SH3RF3: variants seen among roughly 807,000 people sequenced by gnomAD.
The protein encoded by SH3RF3 is E3 ubiquitin-protein ligase SH3RF3.
A neutral mutation model predicts 66.3 loss-of-function variants in SH3RF3; 29 were observed. The observed-to-expected ratio is 0.44, with a 90% CI of 0.33 to 0.60. The LOEUF is 0.60. SH3RF3 is among the 20% of genes least tolerant of loss of function. SH3RF3 has a pLI of 0.04. For missense variants in SH3RF3, 1,194 were observed against 1,190.9 expected (o/e 1.00, Z -0.04); for synonymous variants, 583 against 532.0 (o/e 1.10, Z -1.32).
intron 9 of SH3RF3, among the ~76,000 whole-genome samples, chr2:109,491,950 T>C (rs1319213937): frequency 6.6e-6 from 1 of 152,208 alleles, no homozygotes; most frequent in Admixed American, 6.5e-5. Context: ...AGACGGGGTC[T>C]ATCTAGATCA....
intron 1 of SH3RF3, among the ~76,000 whole-genome samples, chr2:109,179,878 T>C (rs184618117): frequency 4.2e-4 from 64 of 152,284 alleles, no homozygotes; most frequent in Non-Finnish European, 2.9e-5. Context: ...AAGTGCTCCT[T>C]ATCGCAGGAA....
intron 4 of SH3RF3, among the ~76,000 whole-genome samples, chr2:109,415,096 A>G (rs1312969668): frequency 1.3e-5 from 2 of 152,040 alleles, no homozygotes; most frequent in African/African-American, 4.8e-5. Context: ...CTTGCCTTAA[A>G]GTGGAGGGGA....
At chr2:109,431,885 C>T (rs1677226238) in intron 5 of SH3RF3, among the ~76,000 whole-genome samples, 1 of 151,982 alleles carries the variant, frequency 6.6e-6, no homozygotes, top group Non-Finnish European at 1.5e-5. Context: ...AAAAAAAGGT[C>T]AAGTAATTAA....
At chr2:109,268,700 G>T (rs1007353580) in intron 1 of SH3RF3, among the ~76,000 whole-genome samples, 2 of 151,822 alleles carry the variant, frequency 1.3e-5, no homozygotes, top group Non-Finnish European at 2.9e-5. Flanking sequence ...CACTTTCAGG[G>T]CAGTGTTCAA....
intron 1 of SH3RF3, among the ~76,000 whole-genome samples, chr2:109,225,717 A>G (rs894276977): frequency 6.6e-6 from 1 of 152,258 alleles, no homozygotes; most frequent in Non-Finnish European, 1.5e-5. Context: ...TGTTTGTCCT[A>G]GACTTAAATT....
At chr2:109,484,882 C>T (rs1478600258) in intron 8 of SH3RF3, among the ~76,000 whole-genome samples, 1 of 152,132 alleles carries the variant, frequency 6.6e-6, no homozygotes, top group Admixed American at 6.5e-5. Flanking sequence ...ACATCTCTAC[C>T]CAGTGACAAC....
At chr2:109,323,865 T>C (rs554961201) in intron 1 of SH3RF3, among the ~76,000 whole-genome samples, 1 of 152,232 alleles carries the variant, frequency 6.6e-6, no homozygotes, top group Admixed American at 6.5e-5. Flanking sequence ...TAAAAGTAAT[T>C]TGTAGTATAG....
chr2:109,424,731 G>A (rs1237930116), intron 5 of SH3RF3, among the ~76,000 whole-genome samples: 1 of 152,164 alleles, frequency 6.6e-6, no homozygotes, highest in Non-Finnish European at 1.5e-5. Flanking sequence ...TGATGTGTAT[G>A]TTCTGACGGC....
rs114146224 is a variant in SH3RF3, at chr2:109,417,543, C to A, written c.1300-1996C>A. The stretch of plus-strand genomic sequence containing the variant: ...GCAGGCACAGGACCCTCCACAGGAC[C>A]CTCAGCCAGGCACAGGACCCCGACA... On this transcript the variant is annotated intron_variant, in intron 4 of 9. Transcript: ENST00000309415. 5.9e-3 allele frequency among the ~76,000 whole-genome samples: 893 copies of A among 152,228 alleles called. 10 individuals are homozygous for A. Among genetic ancestry groups the A allele is most frequent in the African/African-American group, 0.02 (845 of 41,544 alleles).
intron 8 of SH3RF3, among the ~76,000 whole-genome samples, chr2:109,484,653 T>G (rs1559108254): frequency 6.6e-6 from 1 of 152,218 alleles, no homozygotes; most frequent in Non-Finnish European, 1.5e-5. Context: ...AACTTTCTCC[T>G]TTTTATTTTT....
chr2:109,397,292 GT>G (rs71933882), intron 3 of SH3RF3, among the ~76,000 whole-genome samples: 13,308 of 152,108 alleles, frequency 0.087, 1,633 homozygotes, highest in African/African-American at 0.27. Flanking sequence ...CATTTACTCA[GT>G]TTTTTTCTGC....
chr2:109,195,452 A>G (rs1480793467), intron 1 of SH3RF3, among the ~76,000 whole-genome samples: 1 of 152,176 alleles, frequency 6.6e-6, no homozygotes, highest in Non-Finnish European at 1.5e-5. Context: ...TCAACTGTCG[A>G]GTGTCCCCAC....
At chr2:109,459,386 G>A (rs531114000) in intron 8 of SH3RF3, among the ~76,000 whole-genome samples, 4 of 152,162 alleles carry the variant, frequency 2.6e-5, no homozygotes, top group South Asian at 4.1e-4. Flanking sequence ...TTCAGAAAGC[G>A]CCTCATCTGG....
chr2:109,469,328 G>T (rs146173806), intron 8 of SH3RF3, among the ~76,000 whole-genome samples: 1 of 152,252 alleles, frequency 6.6e-6, no homozygotes, highest in Non-Finnish European at 1.5e-5. Flanking sequence ...GGGGTGTGTG[G>T]CATGCGGCTG....
At chr2:109,286,311 C>A (rs1681029528) in intron 1 of SH3RF3, among the ~76,000 whole-genome samples, 1 of 152,184 alleles carries the variant, frequency 6.6e-6, no homozygotes, top group South Asian at 2.1e-4. Flanking sequence ...ATGTGTTTGA[C>A]CCTCCTGTAA....
At chr2:109,138,078 C>T (rs544703786) in intron 1 of SH3RF3, among the ~76,000 whole-genome samples, 2 of 152,216 alleles carry the variant, frequency 1.3e-5, no homozygotes, top group Non-Finnish European at 1.5e-5. Flanking sequence ...TGCAGTGGCA[C>T]GATCTCGACT....
At chr2:109,193,173 G>C (rs1219823510) in intron 1 of SH3RF3, among the ~76,000 whole-genome samples, 1 of 152,226 alleles carries the variant, frequency 6.6e-6, no homozygotes, top group Non-Finnish European at 1.5e-5. Context: ...CACATTTTAA[G>C]AGAACTGGAA....
chr2:109,371,159 C>T (rs113309962), intron 2 of SH3RF3, among the ~76,000 whole-genome samples: 3,663 of 152,244 alleles, frequency 0.024, 147 homozygotes, highest in African/African-American at 0.083. Context: ...GAGGCCAAGG[C>T]GGGCAGATTG....
intron 1 of SH3RF3, among the ~76,000 whole-genome samples, chr2:109,345,727 A>G (rs1682677014): frequency 6.6e-6 from 1 of 152,194 alleles, no homozygotes; most frequent in Non-Finnish European, 1.5e-5. Context: ...GTATTCGTAG[A>G]CTAAGTTCTA....
Sources: allele counts gnomAD v4.1 joint callset (sites outside exome capture counted in the v4.1 genomes callset), GRCh38; gene constraint gnomAD v4.1.1; transcripts MANE v1.5; gene names NCBI Gene and HGNC (gene_info 2026-07-23, HGNC 2026-07-21).